The following ARHGAP8 variants were observed in gnomAD, a reference collection of about 807,000 sequenced individuals.
ARHGAP8 encodes Rho GTPase activating protein 8.
ARHGAP8 carries 62 observed loss-of-function variants against 46.1 expected under a neutral mutation model. The observed-to-expected ratio is 1.34, with a 90% confidence interval of 1.10 to 1.66. The LOEUF (loss-of-function observed/expected upper bound fraction) is 1.66. Ranked by LOEUF, ARHGAP8 falls within the 40% of genes most tolerant of loss-of-function variation. ARHGAP8 has a pLI of 0.00. For synonymous variants in ARHGAP8, 375 were observed against 243.1 expected (o/e 1.54, Z -5.05); for missense variants, 923 against 568.4 (o/e 1.62, Z -6.34).
chr22:44,797,379 G>A (rs1376717823), intron 2 of ARHGAP8, among the ~76,000 whole-genome samples: 36 of 152,046 alleles, frequency 2.4e-4, no homozygotes, highest in Non-Finnish European at 1.5e-5. Context: ...CTCAGGCTCC[G>A]GGTCAGCCAT....
rs887803442 is a variant in ARHGAP8, at chr22:44,862,207, G to A, written c.982-68G>A. The stretch of plus-strand genomic sequence containing the variant: ...ACACCTACGCCTCTCCCTAAGTTCG[G>A]GAGGGAGTTCCAGGTGCCCGTGCCC... On this transcript the variant is annotated intron_variant, in intron 11 of 11. Transcript: ENST00000356099. 1.2e-5 allele frequency: 19 copies of A among 1,526,040 alleles called. No individual in the cohort carries two copies. The African/African-American group carries it at 1.7e-4, about 13-fold the overall frequency. 94.5% of individuals were successfully genotyped at this position (1,526,040 alleles called of 1,614,324 possible). A position where few individuals can be genotyped will look rare whatever the true frequency, so the allele number is the denominator to read the frequency against.
intron 1 of ARHGAP8, among the ~76,000 whole-genome samples, chr22:44,775,507 GCA>G (rs1926358792): frequency 1.3e-5 from 2 of 152,010 alleles, no homozygotes; most frequent in African/African-American, 4.8e-5. Flanking sequence ...GAGTGCAATG[GCA>G]CAGTCTTGGC....
rs66553855 is a variant in ARHGAP8, at chr22:44,860,021, CT to C, written c.981+188del. Among the ~76,000 whole-genome samples the C allele has an allele frequency of 7.2e-5, 11 of 152,010 alleles. No homozygotes were observed. The South Asian group carries it at 1.5e-3, about 20-fold the overall frequency. ...GTCAGGCACCCATGCTGCTGCGGAC[CT>C]CCTGCCTGTCAGACAGGGCGTACCT... is the stretch of plus-strand genomic sequence containing the variant. On this transcript the variant is annotated intron_variant, in intron 11 of 11. Transcript: ENST00000356099.
chr22:44,861,580 A>T (rs907604728), intron 11 of ARHGAP8, among the ~76,000 whole-genome samples: 1 of 152,022 alleles, frequency 6.6e-6, no homozygotes, highest in East Asian at 1.9e-4. Flanking sequence ...CCTGGTACTC[A>T]CCGCCTCATG....
At chr22:44,861,737 G>A (rs8138737) in intron 11 of ARHGAP8, among the ~76,000 whole-genome samples, 75 of 152,082 alleles carry the variant, frequency 4.9e-4, no homozygotes, top group African/African-American at 1.7e-3. Context: ...GTACCTTCCA[G>A]GCCCCAGATT....
intron 10 of ARHGAP8, among the ~76,000 whole-genome samples, chr22:44,851,825 C>G (rs2070101545): frequency 1.3e-5 from 2 of 151,588 alleles, no homozygotes; most frequent in Non-Finnish European, 2.9e-5. Context: ...GACAAAAGAG[C>G]AAGACCATGT....
At chr22:44,859,553 A>T in intron 10 of ARHGAP8, 178 bp from the exon 11 acceptor site, 1 of 633,078 alleles carries the variant, frequency 1.6e-6, no homozygotes, top group Admixed American at 2.9e-5. Flanking sequence ...ATAGCCAAAC[A>T]CACAGGTTTG....
chr22:44,854,159 C>T (rs748863255), intron 10 of ARHGAP8, among the ~76,000 whole-genome samples: 4 of 149,434 alleles, frequency 2.7e-5, no homozygotes, highest in Admixed American at 1.3e-4. Flanking sequence ...TGCCAGGAAG[C>T]GGCCTTGCTT....
rs771244776 is a variant in ARHGAP8, at chr22:44,848,057, G to A, written c.748+7G>A. The A allele has an allele frequency of 1.9e-6, 3 of 1,605,096 alleles. No individual in the cohort carries two copies. In the Admixed American group the frequency reaches 5.0e-5, roughly 27 times the overall value. ...CAGAGGCTCTACAACCAAGGTGAGG[G>A]TGTCCCGCAGTCCTGAGCCCCGAGC... On this transcript the variant is annotated splice_region_variant and intron_variant, in intron 9 of 11. Coordinates refer to ENST00000356099, the MANE Select transcript of ARHGAP8 (RefSeq NM_181335.3).
chr22:44,772,874 C>T (rs530500718), intron 1 of ARHGAP8, among the ~76,000 whole-genome samples: 67 of 149,090 alleles, frequency 4.5e-4, no homozygotes, highest in Admixed American at 1.4e-3. Context: ...GTGATTGTGC[C>T]GTGGTGCAAT....
At chr22:44,861,063 G>C (rs922337247) in intron 11 of ARHGAP8, among the ~76,000 whole-genome samples, 88 of 152,114 alleles carry the variant, frequency 5.8e-4, no homozygotes, top group African/African-American at 1.9e-3. Flanking sequence ...GTGTGCACTG[G>C]TGCAATCTCA....
At chr22:44,853,658 C>T (rs375623030) in intron 10 of ARHGAP8, among the ~76,000 whole-genome samples, 8 of 152,288 alleles carry the variant, frequency 5.3e-5, no homozygotes, top group African/African-American at 1.7e-4. Flanking sequence ...TTTAAGTCTA[C>T]CTTGCTAGAA....
At chr22:44,770,200 T>C (rs1288830392) in intron 1 of ARHGAP8, among the ~76,000 whole-genome samples, 1 of 151,926 alleles carries the variant, frequency 6.6e-6, no homozygotes, top group African/African-American at 2.4e-5. Flanking sequence ...GCCAAGATCA[T>C]GCCACTGCAC....
rs911018031 is a variant in ARHGAP8, at chr22:44,862,370, C to G, written c.1077C>G (p.Ser359=). Residue 359 remains serine, a synonymous_variant, in exon 12 of 12, where the codon TCC becomes TCG. Coordinates refer to ENST00000356099, the MANE Select transcript of ARHGAP8 (RefSeq NM_181335.3). ...NLIWPSQGVS[S]LSALVPLNMF... ...TCTGGCCATCCCAGGGGGTCTCCTC[C>G]CTGAGTGCCCTTGTGCCCCTGAACA... 1.2e-6 allele frequency: 2 copies of G among 1,614,126 alleles called. No individual in the cohort carries two copies. The highest frequency in any genetic ancestry group is 2.2e-5 in the East Asian group (1 of 44,878).
intron 1 of ARHGAP8, among the ~76,000 whole-genome samples, chr22:44,761,762 A>G (rs1242362502): frequency 3.3e-5 from 5 of 152,228 alleles, no homozygotes; most frequent in Admixed American, 6.5e-5. Flanking sequence ...TGGGTAATTT[A>G]TAAAGGAAAG....
intron 1 of ARHGAP8, among the ~76,000 whole-genome samples, chr22:44,757,701 T>C (rs974720470): frequency 1.3e-5 from 2 of 151,286 alleles, no homozygotes; most frequent in African/African-American, 4.9e-5. Flanking sequence ...TGTAGTGGCG[T>C]GATCTCAGCT....
At chr22:44,858,047 G>A (rs2070285056) in intron 10 of ARHGAP8, among the ~76,000 whole-genome samples, 1 of 152,236 alleles carries the variant, frequency 6.6e-6, no homozygotes, top group Non-Finnish European at 1.5e-5. Flanking sequence ...ACCTGGCTCG[G>A]TTGAAATACT....
At chr22:44,829,290 C>CAA (rs1449969939) in intron 7 of ARHGAP8, among the ~76,000 whole-genome samples, 2 of 131,588 alleles carry the variant, frequency 1.5e-5, no homozygotes, top group African/African-American at 3.0e-5. Flanking sequence ...GACTCCCTCT[C>CAA]AAAAAAGAAA....
intron 4 of ARHGAP8, among the ~76,000 whole-genome samples, chr22:44,813,063 C>G: frequency 6.6e-6 from 1 of 152,122 alleles, no homozygotes; most frequent in Admixed American, 6.6e-5. Context: ...TTGTATTTTT[C>G]TTGCTCCAGC....
Sources: allele counts gnomAD v4.1 joint callset (sites outside exome capture counted in the v4.1 genomes callset), GRCh38; gene constraint gnomAD v4.1.1; transcripts MANE v1.5; gene names NCBI Gene and HGNC (gene_info 2026-07-23, HGNC 2026-07-21).